Variants in COL23A1 observed in about 807,000 individuals in gnomAD.
The protein encoded by COL23A1 is collagen type XXIII alpha 1 chain, also known as collagen alpha-1(XXIII) chain.
A neutral mutation model predicts 99.3 loss-of-function variants in COL23A1; 97 were observed. The observed-to-expected ratio is 0.98, with a 90% CI of 0.83 to 1.16. COL23A1 has a LOEUF of 1.16. Among genes scored for constraint, COL23A1 ranks in the 50% most tolerant of loss-of-function variants. COL23A1 has a pLI of 0.00. For synonymous variants in COL23A1, 320 were observed against 308.2 expected, an observed-to-expected ratio of 1.04 and a Z score of -0.40; for missense variants, 762 against 757.4, an observed-to-expected ratio of 1.01 and a Z score of -0.07.
At chr5:178,301,871 A>G (rs11742718) in intron 3 of COL23A1, among the ~76,000 whole-genome samples, 98,028 of 145,198 alleles carry the variant, frequency 0.68, 33,215 homozygotes, top group Non-Finnish European at 0.72. Context: ...TGCACCTCGC[A>G]CAGCACAGCT....
chr5:178,355,411 A>C (rs1226174295), intron 2 of COL23A1, among the ~76,000 whole-genome samples: 1 of 152,272 alleles, frequency 6.6e-6, no homozygotes, highest in African/African-American at 2.4e-5. Context: ...CAGATATGGA[A>C]ACATTAAGTC....
At chr5:178,324,304 TTC>T (rs1469576599) in intron 2 of COL23A1, among the ~76,000 whole-genome samples, 2 of 152,182 alleles carry the variant, frequency 1.3e-5, no homozygotes, top group African/African-American at 2.4e-5. Context: ...TGGCTTCCTT[TTC>T]TCTGTCTTTA....
chr5:178,254,956 G>A lies in COL23A1; in HGVS notation c.953C>T (p.Ala318Val), dbSNP rs769182369. 2 of 1,613,332 alleles carry A rather than the reference G, an allele frequency of 1.2e-6. No homozygotes were observed. Among genetic ancestry groups the A allele is most frequent in the Middle Eastern group, 1.7e-4 (1 of 6,060 alleles). ...VIDYDGRILD[A>V]LKGPPGPQGP... is the part of the protein sequence containing the mutation. ...TCCCACCAGGAACACTACCTTGAGG[G>A]CATCCAAGATCCTGCCATCATAGTC... The change falls in exon 16 of 29, where the codon GCC becomes GTC. Residue 318 changes from alanine to valine, a missense_variant. By Grantham distance (64) the Ala-to-Val change is moderately conservative. Transcript: ENST00000390654.
At chr5:178,559,537 G>C (rs1171134733) in intron 2 of COL23A1, among the ~76,000 whole-genome samples, 112 of 93,740 alleles carry the variant, frequency 1.2e-3, no homozygotes, top group East Asian at 1.8e-3. Flanking sequence ...ACCCAAAAGA[G>C]ACCTTTCCCT....
Position 178,532,385 on chromosome 5 carries a change from G to A in COL23A1, c.361+28297C>T, listed in dbSNP as rs78239583. ...GAAAGGGAGCAGCAGAACTGTCCTCGGACCAAATGCTGCCCATATGCAGCT... is the reference window on the plus strand; with the variant it reads ...GAAAGGGAGCAGCAGAACTGTCCTCAGACCAAATGCTGCCCATATGCAGCT... On this transcript the variant is annotated intron_variant, in intron 2 of 28. Coordinates refer to ENST00000390654, the MANE Select transcript of COL23A1 (RefSeq NM_173465.4). Among the ~76,000 whole-genome samples the A allele has an allele frequency of 2.2e-3, 328 of 152,220 alleles. 2 individuals carry two copies. Among genetic ancestry groups the A allele is most frequent in the Admixed American group, 3.3e-3 (51 of 15,292 alleles).
chr5:178,239,097 C>T, intron 28 of COL23A1, 44 bp downstream of exon 28: 1 of 1,610,994 alleles, frequency 6.2e-7, no homozygotes, highest in Non-Finnish European at 8.5e-7. Context: ...CCCACCCTCC[C>T]CTGCCTCTCC....
In COL23A1 at chr5:178,269,502, TCCACCCATCCAC is replaced by T. The variant is rs1299256659; in HGVS notation, c.469-758_469-747del. On this transcript the variant is annotated intron_variant, in intron 6 of 28. Coordinates refer to ENST00000390654, the MANE Select transcript of COL23A1 (RefSeq NM_173465.4). ...ACCCATCCACCCACCCATCCACCCA[TCCACCCATCCAC>T]CCACCCATCCACCCACCCATCTATC... Among the ~76,000 whole-genome samples, 20 of 81,056 alleles carry T rather than the reference TCCACCCATCCAC, an allele frequency of 2.5e-4. 1 individual carries two copies. The highest frequency in any genetic ancestry group is 4.3e-4 in the Admixed American group (3 of 6,928). The allele number at this position is 81,056 out of a possible 152,430, so 53.2% of individuals were successfully genotyped here. A position where few individuals can be genotyped will look rare whatever the true frequency, so the allele number is the denominator to read the frequency against.
chr5:178,566,332 C>A lies in COL23A1; in HGVS notation c.295-5584G>T, dbSNP rs6882332. On this transcript the variant is annotated intron_variant, in intron 1 of 28. Coordinates refer to ENST00000390654, the MANE Select transcript of COL23A1 (RefSeq NM_173465.4). The stretch of plus-strand genomic sequence containing the variant: ...CCATGATTATGCATTTGTCAAAAAC[C>A]ACAGCACTGTCCATCCCAAAGAGTG... Among the ~76,000 whole-genome samples the A allele has an allele frequency of 9.0e-4, 137 of 152,170 alleles. 1 individual carries two copies. The highest frequency in any genetic ancestry group is 6.6e-4 in the Non-Finnish European group (45 of 68,018).
In COL23A1 at chr5:178,270,535, G is replaced by T. The variant is rs936031026; in HGVS notation, c.442-172C>A. Among the ~76,000 whole-genome samples the T allele has an allele frequency of 1.3e-5, 2 of 152,222 alleles. 1 individual carries two copies. The highest frequency in any genetic ancestry group is 4.1e-4 in the South Asian group (2 of 4,834). On this transcript the variant is annotated intron_variant, in intron 5 of 28. Coordinates refer to ENST00000390654, the MANE Select transcript of COL23A1 (RefSeq NM_173465.4). The stretch of plus-strand genomic sequence containing the variant: ...AGGGAGGGGAAGGCATCTGTGTGTT[G>T]TCTGCTGCCCAGAATCCCCTCCTCT...
chr5:178,513,001 G>A (rs575457029), intron 2 of COL23A1, among the ~76,000 whole-genome samples: 3 of 152,284 alleles, frequency 2.0e-5, no homozygotes, highest in East Asian at 1.9e-4. Context: ...GCATTAACCC[G>A]TGCCCAGTGG....
rs1314625351 is a variant in COL23A1 at position 178,365,075 on chromosome 5, G to A, written c.362-58156C>T. On this transcript the variant is annotated intron_variant, in intron 2 of 28. Coordinates refer to ENST00000390654, the MANE Select transcript of COL23A1 (RefSeq NM_173465.4). This position sits in a 1 kb window ranked among gnomAD's most constrained non-coding sequence, Gnocchi z 5.2. ...ACAGCAGTAAAGAATAAACCGTAGG[G>A]GCAATAACAATCTCTTTGTAATTTC... Among the ~76,000 whole-genome samples the A allele has an allele frequency of 1.3e-5, 2 of 152,018 alleles. No homozygotes were observed. Among genetic ancestry groups the A allele is most frequent in the Non-Finnish European group, 2.9e-5 (2 of 68,012 alleles).
At chr5:178,505,002 C>G (rs537276454) in intron 2 of COL23A1, among the ~76,000 whole-genome samples, 5 of 152,266 alleles carry the variant, frequency 3.3e-5, no homozygotes, top group African/African-American at 9.6e-5. Context: ...GTGGCCATAA[C>G]GAAGTTCCAC....
At chr5:178,580,967 C>T (rs1002689773) in intron 1 of COL23A1, among the ~76,000 whole-genome samples, 4 of 152,168 alleles carry the variant, frequency 2.6e-5, no homozygotes, top group Admixed American at 1.3e-4. Flanking sequence ...GTCATCACAC[C>T]ACTGCACACC....
intron 3 of COL23A1, among the ~76,000 whole-genome samples, chr5:178,305,921 C>T (rs1371389801): frequency 6.6e-6 from 1 of 152,082 alleles, no homozygotes; most frequent in Non-Finnish European, 1.5e-5. Flanking sequence ...ATGCCTCCTC[C>T]CTGTGACGGG....
At chr5:178,277,107 C>T (rs866729013) in intron 5 of COL23A1, among the ~76,000 whole-genome samples, 2 of 152,100 alleles carry the variant, frequency 1.3e-5, no homozygotes, top group South Asian at 2.1e-4. Flanking sequence ...GGCTCATGCC[C>T]GTAATCCCAG....
intron 2 of COL23A1, among the ~76,000 whole-genome samples, chr5:178,323,350 C>G (rs62389360): frequency 0.19 from 28,742 of 152,102 alleles, 3,591 homozygotes; most frequent in East Asian, 0.56. Flanking sequence ...TCTCCCTGCT[C>G]TGATCCCCAG....
At chr5:178,345,124 T>G (rs1760887969) in intron 2 of COL23A1, 3 of 604,294 alleles carry the variant, frequency 5.0e-6, no homozygotes, top group Non-Finnish European at 9.5e-6. Context: ...AGGAAGATGG[T>G]CATCTAAAGT....
chr5:178,413,398 T>C (rs1581340223), intron 2 of COL23A1, among the ~76,000 whole-genome samples: 1 of 152,226 alleles, frequency 6.6e-6, no homozygotes, highest in South Asian at 2.1e-4. Context: ...CGTTTTCCAA[T>C]TTACCTTGAA....
intron 5 of COL23A1, among the ~76,000 whole-genome samples, chr5:178,274,498 T>C (rs537528079): frequency 6.6e-6 from 1 of 152,198 alleles, no homozygotes; most frequent in African/African-American, 2.4e-5. Flanking sequence ...ATGAGGGCTG[T>C]TCTGAGCAGC....
Sources: allele counts gnomAD v4.1 joint callset (sites outside exome capture counted in the v4.1 genomes callset), GRCh38; gene constraint gnomAD v4.1.1; non-coding constraint Gnocchi (gnomAD v3.1); transcripts MANE v1.5; gene names NCBI Gene and HGNC (gene_info 2026-07-23, HGNC 2026-07-21).